Variants in CBFA2T2 observed in about 807,000 individuals in gnomAD.
CBFA2T2 encodes the protein CBFA2/RUNX1 partner transcriptional co-repressor 2, also known as protein CBFA2T2.
Under a neutral mutation model 62.2 loss-of-function variants are expected in CBFA2T2, and 11 were observed. That is an observed-to-expected ratio of 0.18 (90% confidence interval 0.11 to 0.29). The LOEUF (loss-of-function observed/expected upper bound fraction) is 0.29, where lower values mean the gene tolerates loss of function less well. Ranked by LOEUF, CBFA2T2 falls within the 10% of genes least tolerant of loss-of-function variation. The pLI is 1.00. For synonymous variants in CBFA2T2, 295 were observed against 287.5 expected (o/e 1.03, Z -0.27); for missense variants, 592 against 774.1 (o/e 0.76, Z 2.79).
intron 1 of CBFA2T2, chr20:33,562,356 A>C: frequency 1.0e-6 from 1 of 985,070 alleles, no homozygotes; most frequent in Non-Finnish European, 1.2e-6. Flanking sequence ...GAGAGAGAGG[A>C]AGCAGGAGGG....
intron 1 of CBFA2T2, among the ~76,000 whole-genome samples, chr20:33,492,880 C>T (rs2011158508): frequency 6.6e-6 from 1 of 151,934 alleles, no homozygotes; most frequent in South Asian, 2.1e-4. Context: ...TACTCAGCCT[C>T]CTGAGGAGCT....
At chr20:33,500,756 G>C (rs576068271) in intron 1 of CBFA2T2, among the ~76,000 whole-genome samples, 1 of 151,976 alleles carries the variant, frequency 6.6e-6, no homozygotes, top group South Asian at 2.1e-4. Context: ...CAAATAATTG[G>C]GGTATGATTT....
At chr20:33,570,020 C>T (rs2146901562) in intron 1 of CBFA2T2, among the ~76,000 whole-genome samples, 1 of 152,286 alleles carries the variant, frequency 6.6e-6, no homozygotes, top group East Asian at 1.9e-4. Context: ...ATGGCCAGAC[C>T]TGTAATCCCA....
chr20:33,493,004 C>T (rs919256929), intron 1 of CBFA2T2, among the ~76,000 whole-genome samples: 1 of 151,332 alleles, frequency 6.6e-6, no homozygotes, highest in Admixed American at 6.6e-5. Flanking sequence ...CTGCCCGCCT[C>T]AGCCTCCCAA....
intron 1 of CBFA2T2, among the ~76,000 whole-genome samples, chr20:33,535,565 A>G (rs564623496): frequency 3.4e-4 from 51 of 149,148 alleles, no homozygotes; most frequent in African/African-American, 1.2e-3. Flanking sequence ...CTTCTTTGTT[A>G]GGCCCAGGCA....
intron 1 of CBFA2T2, among the ~76,000 whole-genome samples, chr20:33,491,265 C>T (rs1412206674): frequency 1.3e-5 from 2 of 152,038 alleles, no homozygotes; most frequent in East Asian, 3.8e-4. Flanking sequence ...TTAAAAATAC[C>T]ATTCCAGGCC....
chr20:33,619,994 G>A (rs1465806787), intron 4 of CBFA2T2, among the ~76,000 whole-genome samples: 1 of 152,134 alleles, frequency 6.6e-6, no homozygotes, highest in African/African-American at 2.4e-5. Flanking sequence ...AAAAGGCAAG[G>A]TCTTTGCAGT....
intron 3 of CBFA2T2, among the ~76,000 whole-genome samples, chr20:33,616,514 G>A (rs2015718452): frequency 6.6e-6 from 1 of 152,066 alleles, no homozygotes; most frequent in East Asian, 1.9e-4. Context: ...ATCACTTGAG[G>A]TCAAGAGTTG....
At chr20:33,552,739 C>T (rs968709413) in intron 1 of CBFA2T2, among the ~76,000 whole-genome samples, 2 of 152,156 alleles carry the variant, frequency 1.3e-5, no homozygotes, top group Non-Finnish European at 2.9e-5. Context: ...GAAATGTCCC[C>T]TTGCTTGTCA....
At chr20:33,600,440 G>A in intron 1 of CBFA2T2, 1 of 390,760 alleles carries the variant, frequency 2.6e-6, no homozygotes, top group South Asian at 1.8e-5. Flanking sequence ...TGCCTGCATT[G>A]GCCTCCCAAC....
intron 1 of CBFA2T2, among the ~76,000 whole-genome samples, chr20:33,570,991 C>G (rs1033684970): frequency 1.3e-5 from 2 of 152,196 alleles, no homozygotes; most frequent in African/African-American, 4.8e-5. Flanking sequence ...TTACCTTTCC[C>G]CAGTCCTGGC....
At chr20:33,640,242 A>T (rs1322251823) in intron 9 of CBFA2T2, 99 bp from the exon 10 acceptor site, 2 of 1,096,802 alleles carry the variant, frequency 1.8e-6, no homozygotes, top group African/African-American at 3.2e-5. Flanking sequence ...AGTTTTAGAA[A>T]AGATCACTTT....
intron 3 of CBFA2T2, among the ~76,000 whole-genome samples, chr20:33,618,173 C>CTTTTTTTT (rs58066954): frequency 7.2e-6 from 1 of 138,340 alleles, no homozygotes; most frequent in African/African-American, 2.7e-5. Flanking sequence ...ATATATTTTC[C>CTTTTTTTT]TTTTTTTTTT....
intron 1 of CBFA2T2, among the ~76,000 whole-genome samples, chr20:33,541,864 CTACAGGTTTTTGTT>C (rs1462012600): frequency 2.0e-5 from 3 of 151,858 alleles, no homozygotes; most frequent in African/African-American, 7.2e-5. Context: ...TGTCTTAGTG[CTACAGGTTTTTGTT>C]TTTGTTTTTG....
At chr20:33,529,235 C>A (rs993361801) in intron 1 of CBFA2T2, among the ~76,000 whole-genome samples, 1 of 151,892 alleles carries the variant, frequency 6.6e-6, no homozygotes, top group Non-Finnish European at 1.5e-5. Flanking sequence ...CTGTGTTAGC[C>A]AGGATGGTCT....
At chr20:33,552,142 T>C (rs1431032334) in intron 1 of CBFA2T2, among the ~76,000 whole-genome samples, 7 of 151,546 alleles carry the variant, frequency 4.6e-5, no homozygotes, top group Admixed American at 4.6e-4. Flanking sequence ...GTGAAGCAAA[T>C]ACACAACCAT....
rs187356048 is a variant in CBFA2T2, at chr20:33,635,172, T to C, written c.1229-1468T>C. On this transcript the variant is annotated intron_variant, in intron 8 of 10. Coordinates refer to ENST00000342704, the MANE Select transcript of CBFA2T2 (RefSeq NM_001032999.3). Reference sequence around the variant, plus strand: ...AAATAGACTTAGTCGTTTAGCATCATTGAAAGTTAGAAGACAATTCTGAAG... The same window carrying C: ...AAATAGACTTAGTCGTTTAGCATCACTGAAAGTTAGAAGACAATTCTGAAG... Among the ~76,000 whole-genome samples, 47 of 152,358 alleles carry C rather than the reference T, an allele frequency of 3.1e-4. No individual in the cohort carries two copies. In the East Asian group the frequency reaches 8.1e-3, roughly 26 times the overall value.
intron 1 of CBFA2T2, among the ~76,000 whole-genome samples, chr20:33,549,861 C>CT (rs368043905): frequency 0.012 from 1,526 of 124,202 alleles, 15 homozygotes; most frequent in African/African-American, 0.029. Context: ...ATGGCTGCTG[C>CT]TTTTTTTTTT....
chr20:33,495,575 C>T (rs1037797319), intron 1 of CBFA2T2, among the ~76,000 whole-genome samples: 1 of 151,042 alleles, frequency 6.6e-6, no homozygotes, highest in African/African-American at 2.4e-5. Context: ...TCCTGTAGTC[C>T]CAGCTACTTG....
Sources: gnomAD v4.1 joint callset for allele counts (sites outside exome capture counted in the v4.1 genomes callset) on GRCh38, gnomAD v4.1.1 for gene constraint, MANE v1.5 for transcripts, NCBI Gene and HGNC (gene_info 2026-07-23, HGNC 2026-07-21) for gene names.